The following METTL25B variants were observed in gnomAD, a reference collection of about 807,000 sequenced individuals.
METTL25B encodes the protein methyltransferase like 25B.
Under a neutral mutation model 48.4 loss-of-function variants are expected in METTL25B, and 38 were observed. The ratio of observed to expected loss-of-function variants is 0.78; its 90% CI spans 0.61 to 1.03. The LOEUF is 1.03. Among genes scored for constraint, METTL25B ranks in the 50% least tolerant of loss-of-function variants. METTL25B has a pLI of 0.00. For missense variants in METTL25B, 537 were observed against 603.7 expected, an observed-to-expected ratio of 0.89 and a Z score of 1.16; for synonymous variants, 230 against 254.5, an observed-to-expected ratio of 0.90 and a Z score of 0.92.
At chr1:156,730,859 T>G (rs12145743) in intron 1 of METTL25B, among the ~76,000 whole-genome samples, 36,556 of 152,212 alleles carry the variant, frequency 0.24, 5,662 homozygotes, top group Non-Finnish European at 0.35. Context: ...CCTCAAAGTG[T>G]TGTTTAAAGG....
At position 156,731,987 on chromosome 1, in the gene METTL25B, G is replaced by A. The variant is rs1024323136; in HGVS notation, c.112-4G>A. 6 of 1,614,112 alleles carry A rather than the reference G, an allele frequency of 3.7e-6. No individual in the cohort carries two copies. Among genetic ancestry groups the A allele is most frequent in the Non-Finnish European group, 5.1e-6 (6 of 1,179,996 alleles). ...TGCTGATGGCTTCTCCCCTTCTTCT[G>A]TAGGAATTTTTCACAGACAACCTAT... On this transcript the variant is annotated splice_region_variant and splice_polypyrimidine_tract_variant and intron_variant, in intron 1 of 7. Coordinates refer to ENST00000368216, the MANE Select transcript of METTL25B (RefSeq NM_015997.4).
At chr1:156,730,945 A>G (rs548351309) in intron 1 of METTL25B, among the ~76,000 whole-genome samples, 1 of 152,320 alleles carries the variant, frequency 6.6e-6, no homozygotes, top group East Asian at 1.9e-4. Flanking sequence ...GTTTGCTATT[A>G]CCTGTATTTT....
At position 156,734,106 on chromosome 1, in the gene METTL25B, C is replaced by G; in HGVS notation, c.734C>G (p.Pro245Arg). The change falls in exon 6 of 8, where the codon CCG becomes CGG. Residue 245 changes from proline to arginine, a missense_variant. Pro to Arg is a moderately radical substitution (Grantham distance 103). Coordinates refer to ENST00000368216, the MANE Select transcript of METTL25B (RefSeq NM_015997.4). ...GAGCTTCTGCTTCCACTGGAGAACC[C>G]GTGTCAGGGCAGGGCCCGCTTGCTG... Reference protein sequence around the residue: ...CEELLLPLENPCQGRARLLLT... With the variant: ...CEELLLPLENRCQGRARLLLT... 1 of 1,614,210 alleles carries G rather than the reference C, an allele frequency of 6.2e-7. No homozygotes were observed. Among genetic ancestry groups the G allele is most frequent in the Non-Finnish European group, 8.5e-7 (1 of 1,180,044 alleles).
chr1:156,736,791 A>G lies in METTL25B; in HGVS notation c.*38A>G. On this transcript the variant is annotated 3_prime_UTR_variant, in exon 8 of 8. Transcript: ENST00000368216. ...AAACATCTCAGACCCCATCATCTGA[A>G]AGTGCCCAGAGAGCACAGTGGCAGA... 6.3e-7 allele frequency: 1 copy of G among 1,594,432 alleles called. No homozygotes were observed. The highest frequency in any genetic ancestry group is 8.5e-7 in the Non-Finnish European group (1 of 1,174,366).
In METTL25B at chr1:156,729,103, G is replaced by A. The variant is rs980069926; in HGVS notation, c.-2G>A. 1 of 1,595,598 alleles carries A rather than the reference G, an allele frequency of 6.3e-7. No homozygotes were observed. Among genetic ancestry groups the A allele is most frequent in the African/African-American group, 1.3e-5 (1 of 74,278 alleles). On this transcript the variant is annotated 5_prime_UTR_variant, in exon 1 of 8. Transcript: ENST00000368216. The stretch of plus-strand genomic sequence containing the variant: ...TCCCCGCGCTCCCTGCTGGACCCCG[G>A]GATGCCGGGCATCTCCGCCCGAGGC...
chr1:156,728,983 C>G lies in METTL25B; in HGVS notation c.-122C>G, dbSNP rs1648975960. ...GAAAGGCAGCGTCGGAGACTGGACC[C>G]AAAACTCTTCCTGTTCTGCCTGCAG... On this transcript the variant is annotated 5_prime_UTR_variant, in exon 1 of 8. Transcript: ENST00000368216. 1.7e-6 allele frequency: 1 copy of G among 586,528 alleles called. No homozygotes were observed. 36.3% of individuals were successfully genotyped at this position (586,528 alleles called of 1,614,324 possible). A position where few individuals can be genotyped will look rare whatever the true frequency, so the allele number is the denominator to read the frequency against.
In METTL25B at chr1:156,736,911, A is replaced by C; in HGVS notation, c.*158A>C. ...TCTCTCCTTCCATGGATTATGTAAT[A>C]CATTGTAAAGTTTTAATTAATTAAA... On this transcript the variant is annotated 3_prime_UTR_variant, in exon 8 of 8. Transcript: ENST00000368216. 1.5e-6 allele frequency: 1 copy of C among 673,346 alleles called. No individual in the cohort carries two copies. The highest frequency in any genetic ancestry group is 2.4e-6 in the Non-Finnish European group (1 of 412,742). The allele number at this position is 673,346 out of a possible 1,614,324, so 41.7% of individuals were successfully genotyped here.
At chr1:156,730,985 C>CA (rs1190541170) in intron 1 of METTL25B, among the ~76,000 whole-genome samples, 1 of 152,236 alleles carries the variant, frequency 6.6e-6, no homozygotes, top group Admixed American at 6.5e-5. Flanking sequence ...ATTCATCATT[C>CA]AAGTCTCAGC....
chr1:156,729,172 G>C lies in METTL25B; in HGVS notation c.68G>C (p.Arg23Pro). 2.5e-6 allele frequency: 4 copies of C among 1,611,672 alleles called. No individual in the cohort carries two copies. The highest frequency in any genetic ancestry group is 3.4e-6 in the Non-Finnish European group (4 of 1,179,154). ...AAGCAGCTAGCTGTTAACCTCACCC[G>C]TGTCCTGGCACTCTACCGTTCCATC... The part of the protein sequence containing the change: ...GRKQLAVNLT[R>P]VLALYRSILD... Residue 23 changes from arginine to proline, a missense_variant, in exon 1 of 8, where the codon CGT (arginine) becomes CCT (proline). By Grantham distance (103) the Arg-to-Pro change is moderately radical. Coordinates refer to ENST00000368216, the MANE Select transcript of METTL25B (RefSeq NM_015997.4).
intron 7 of METTL25B, chr1:156,736,185 C>G: frequency 3.3e-6 from 1 of 299,900 alleles, no homozygotes; most frequent in East Asian, 6.3e-5. Context: ...GATGGTGAAA[C>G]CCCATCTCTA....
At chr1:156,729,531 T>C (rs1001609278) in intron 1 of METTL25B, 37 of 210,258 alleles carry the variant, frequency 1.8e-4, no homozygotes, top group African/African-American at 8.5e-4. Flanking sequence ...AGTACCTACC[T>C]AGATTGTTTT....
intron 1 of METTL25B, among the ~76,000 whole-genome samples, chr1:156,731,622 CTG>C (rs965217479): frequency 6.6e-6 from 1 of 152,222 alleles, no homozygotes; most frequent in Non-Finnish European, 1.5e-5. Flanking sequence ...TGTACTAATA[CTG>C]TGTGTCAGTC....
chr1:156,728,622 G>C lies in METTL25B; in HGVS notation c.-483G>C. The stretch of plus-strand genomic sequence containing the variant: ...CAGTGGCGGCGGAGGAGGGGGCGGC[G>C]TGGGTGGGGGCGGGGGCGGGATGCG... On this transcript the variant is annotated 5_prime_UTR_variant, in exon 1 of 8. Transcript: ENST00000368216. The C allele has an allele frequency of 4.1e-6, 4 of 983,656 alleles. No homozygotes were observed. Among genetic ancestry groups the C allele is most frequent in the Non-Finnish European group, 2.4e-6 (2 of 827,960 alleles). 60.9% of individuals were successfully genotyped at this position (983,656 alleles called of 1,614,324 possible).
At position 156,729,137 on chromosome 1, in the gene METTL25B, T is replaced by A. The variant is rs1276866507; in HGVS notation, c.33T>A (p.His11Gln). The change falls in exon 1 of 8, where the codon CAT becomes CAA. Residue 11 changes from histidine to glutamine, a missense_variant. Physicochemically the swap from His to Gln is conservative, Grantham distance 24. Coordinates refer to ENST00000368216, the MANE Select transcript of METTL25B (RefSeq NM_015997.4). MPGISARGLS[H>Q]EGRKQLAVNL... is the part of the protein sequence containing the mutation. ...GCATCTCCGCCCGAGGCCTCTCTCA[T>A]GAGGGGAGGAAGCAGCTAGCTGTTA... 3 of 1,610,834 alleles carry A rather than the reference T, an allele frequency of 1.9e-6. No homozygotes were observed. Among genetic ancestry groups the A allele is most frequent in the African/African-American group, 1.3e-5 (1 of 74,728 alleles).
chr1:156,735,347 G>A (rs1319887401), intron 6 of METTL25B, among the ~76,000 whole-genome samples: 2 of 148,872 alleles, frequency 1.3e-5, no homozygotes, highest in Non-Finnish European at 3.0e-5. Flanking sequence ...GGACAGAACT[G>A]GCTGAAAATG....
chr1:156,728,667 C>G lies in METTL25B; in HGVS notation c.-438C>G. Reference sequence around the variant, plus strand: ...GATGCGCTCCCCGGCCCCTCTAGCCCCGTGGTGGTACAACGCGAAGGTGTG... The same window carrying G: ...GATGCGCTCCCCGGCCCCTCTAGCCGCGTGGTGGTACAACGCGAAGGTGTG... On this transcript the variant is annotated 5_prime_UTR_variant, in exon 1 of 8. Transcript: ENST00000368216. 1.0e-6 allele frequency: 1 copy of G among 987,678 alleles called. No homozygotes were observed. The highest frequency in any genetic ancestry group is 1.7e-5 in the African/African-American group (1 of 57,396). The allele number at this position is 987,678 out of a possible 1,614,324, so 61.2% of individuals were successfully genotyped here.
intron 1 of METTL25B, 76 bp from the exon 2 acceptor site, chr1:156,731,915 G>A: frequency 1.3e-6 from 2 of 1,573,660 alleles, no homozygotes; most frequent in Non-Finnish European, 1.7e-6. Context: ...AGGCAATGAG[G>A]TGTGTAGTTG....
Position 156,736,872 on chromosome 1 carries a change from A to C in METTL25B, c.*119A>C. On this transcript the variant is annotated 3_prime_UTR_variant, in exon 8 of 8. Coordinates refer to ENST00000368216, the MANE Select transcript of METTL25B (RefSeq NM_015997.4). ...CATCCTCCAGAGTCCTGGTTCCTTC[A>C]GTTTCATCCCCTTTCTCTCCTTCCA... is the stretch of plus-strand genomic sequence containing the variant. 4 of 942,828 alleles carry C rather than the reference A, an allele frequency of 4.2e-6. No homozygotes were observed. Among genetic ancestry groups the C allele is most frequent in the Non-Finnish European group, 6.2e-6 (4 of 645,398 alleles). 58.4% of individuals were successfully genotyped at this position (942,828 alleles called of 1,614,324 possible).
chr1:156,736,404 T>TA (rs1649806459), intron 7 of METTL25B: 1 of 515,238 alleles, frequency 1.9e-6, no homozygotes, highest in Non-Finnish European at 3.5e-6. Flanking sequence ...TGAACCTCTC[T>TA]AAGGTGCATG....
Sources: allele counts gnomAD v4.1 joint callset (sites outside exome capture counted in the v4.1 genomes callset), GRCh38; gene constraint gnomAD v4.1.1; transcripts MANE v1.5; gene names NCBI Gene and HGNC (gene_info 2026-07-23, HGNC 2026-07-21).